Variants in WWP2 observed in about 807,000 individuals in gnomAD.
WWP2 encodes NEDD4-like E3 ubiquitin-protein ligase WWP2.
In WWP2, 57 loss-of-function variants were observed where a neutral mutation model predicts 121.0. The observed-to-expected ratio is 0.47, with a 90% CI of 0.38 to 0.59. The LOEUF (loss-of-function observed/expected upper bound fraction) is 0.59. WWP2 is among the 20% of genes least tolerant of loss of function. WWP2 has a pLI of 0.00. For synonymous variants in WWP2, 449 were observed against 441.3 expected, an observed-to-expected ratio of 1.02 and a Z score of -0.22; for missense variants, 962 against 1,158.9, an observed-to-expected ratio of 0.83 and a Z score of 2.47.
chr16:69,813,797 A>T (rs1007139508), intron 4 of WWP2, among the ~76,000 whole-genome samples: 4 of 152,250 alleles, frequency 2.6e-5, no homozygotes, highest in African/African-American at 9.6e-5. Flanking sequence ...TGCTAAAATG[A>T]TCTCTGGCTT....
chr16:69,808,497 G>C (rs527422942), intron 4 of WWP2, among the ~76,000 whole-genome samples: 1 of 152,234 alleles, frequency 6.6e-6, no homozygotes, highest in African/African-American at 2.4e-5. Flanking sequence ...CACCTCCCAG[G>C]TTCAAGCAGT....
chr16:69,795,086 G>C (rs2056000789), intron 2 of WWP2, among the ~76,000 whole-genome samples: 1 of 152,022 alleles, frequency 6.6e-6, no homozygotes, highest in South Asian at 2.1e-4. Flanking sequence ...AAATTAAAAA[G>C]TTAGCCAGGC....
At chr16:69,915,188 G>A (rs916593462) in intron 9 of WWP2, among the ~76,000 whole-genome samples, 13 of 152,316 alleles carry the variant, frequency 8.5e-5, no homozygotes, top group Admixed American at 1.3e-4. Flanking sequence ...CACAGAAGAC[G>A]ACAAGGAAGT....
intron 23 of WWP2, 81 bp downstream of exon 23, chr16:69,939,494 T>C (rs2058847584): frequency 2.7e-6 from 4 of 1,469,002 alleles, no homozygotes; most frequent in African/African-American, 1.4e-5. Context: ...GTGTAGCAGC[T>C]TCATAGCCTC....
intron 6 of WWP2, among the ~76,000 whole-genome samples, chr16:69,853,629 C>G (rs2057258138): frequency 6.6e-6 from 1 of 152,142 alleles, no homozygotes; most frequent in Non-Finnish European, 1.5e-5. Flanking sequence ...TGAGACCAGA[C>G]TCAGGGACTG....
At chr16:69,908,923 G>T in intron 9 of WWP2, 73 bp downstream of exon 9, 7 of 1,608,584 alleles carry the variant, frequency 4.4e-6, no homozygotes, top group Non-Finnish European at 5.9e-6. Flanking sequence ...TCTTGAAACG[G>T]TCCCTTTCTG....
intron 1 of WWP2, among the ~76,000 whole-genome samples, chr16:69,769,067 C>T (rs920940134): frequency 2.0e-5 from 3 of 152,098 alleles, no homozygotes; most frequent in Admixed American, 6.6e-5. Flanking sequence ...GCCTGTAATC[C>T]CAGCACTTTG....
chr16:69,796,839 C>T (rs2056057579), intron 2 of WWP2, among the ~76,000 whole-genome samples: 1 of 152,222 alleles, frequency 6.6e-6, no homozygotes, highest in Admixed American at 6.5e-5. Context: ...TATCTGTTGT[C>T]TTCCTCCCTT....
intron 8 of WWP2, among the ~76,000 whole-genome samples, chr16:69,896,048 A>T (rs920906731): frequency 9.2e-5 from 14 of 152,328 alleles, no homozygotes; most frequent in African/African-American, 3.1e-4. Flanking sequence ...CTGTTGTCGG[A>T]GGCTGGGCCA....
intron 8 of WWP2, among the ~76,000 whole-genome samples, chr16:69,889,919 AT>A (rs997669168): frequency 2.0e-4 from 31 of 152,124 alleles, no homozygotes; most frequent in African/African-American, 7.2e-4. Context: ...TCACTCCCTT[AT>A]CCCATCTCTT....
At chr16:69,860,547 A>C (rs1198292564) in intron 6 of WWP2, among the ~76,000 whole-genome samples, 1 of 152,196 alleles carries the variant, frequency 6.6e-6, no homozygotes, top group Admixed American at 6.5e-5. Context: ...ACCTGGGTGG[A>C]AAGTCCAGGA....
Position 69,928,881 on chromosome 16 carries a change from G to A in WWP2, c.1235-567G>A, listed in dbSNP as rs566138919. Among the ~76,000 whole-genome samples, 4 of 152,322 alleles carry A rather than the reference G, an allele frequency of 2.6e-5. No individual in the cohort carries two copies. The South Asian group carries it at 8.3e-4, about 32-fold the overall frequency. The stretch of plus-strand genomic sequence containing the variant: ...TATGAGAGTTTTAGAACAAGACTTA[G>A]CCTGTAAGTGGGAGAAGAGGGAGAA... On this transcript the variant is annotated intron_variant, in intron 11 of 23. Transcript: ENST00000359154.
At chr16:69,786,007 AT>A (rs2055781000) in intron 1 of WWP2, 1 of 134,150 alleles carries the variant, frequency 7.5e-6, no homozygotes, top group Non-Finnish European at 1.6e-5. Flanking sequence ...TTTAGCAAGG[AT>A]TACTGTCAGA....
At chr16:69,903,084 C>T (rs183354097) in intron 8 of WWP2, among the ~76,000 whole-genome samples, 1 of 152,308 alleles carries the variant, frequency 6.6e-6, no homozygotes, top group East Asian at 1.9e-4. Flanking sequence ...ATTCTTCTCG[C>T]TAAGCCAGTT....
Position 69,939,873 on chromosome 16 carries a change from G to A in WWP2, c.2546G>A (p.Ser849Asn), listed in dbSNP as rs574704181. The A allele has an allele frequency of 1.2e-6, 2 of 1,613,976 alleles. No individual in the cohort carries two copies. The highest frequency in any genetic ancestry group is 1.7e-5 in the Admixed American group (1 of 59,986). The stretch of plus-strand genomic sequence containing the variant: ...CGTCTGGATCTTCCACCCTACAAGA[G>A]CTACGAACAGCTGAGAGAGAAGCTG... ...FNRLDLPPYK[S>N]YEQLREKLLY... Residue 849 changes from serine to asparagine, a missense_variant, in exon 24 of 24, where the codon AGC becomes AAC. Ser to Asn is a conservative substitution (Grantham distance 46). Around this residue, in one of 3 missense-constraint regions of WWP2, gnomAD observed 606 missense variants for 772.6 expected, o/e 0.78. Coordinates refer to ENST00000359154, the MANE Select transcript of WWP2 (RefSeq NM_001270454.2).
intron 6 of WWP2, among the ~76,000 whole-genome samples, chr16:69,850,749 C>A (rs547566057): frequency 1.3e-5 from 2 of 152,126 alleles, no homozygotes; most frequent in Non-Finnish European, 2.9e-5. Flanking sequence ...GGGATGATAG[C>A]GTAGCAAACT....
intron 19 of WWP2, 172 bp downstream of exon 19, chr16:69,936,624 C>G: frequency 1.1e-6 from 1 of 935,812 alleles, no homozygotes; most frequent in South Asian, 1.7e-5. Context: ...CTGGGGGAAC[C>G]AAAGCCGAGG....
chr16:69,829,957 AT>A (rs11462005), intron 4 of WWP2, among the ~76,000 whole-genome samples: 19 of 144,910 alleles, frequency 1.3e-4, no homozygotes, highest in East Asian at 2.0e-4. Flanking sequence ...CGCCCAGCTA[AT>A]TTTTTTTTTT....
At chr16:69,917,443 G>T (rs1290025327) in intron 9 of WWP2, 2 of 379,322 alleles carry the variant, frequency 5.3e-6, no homozygotes, top group Non-Finnish European at 4.8e-6. Flanking sequence ...TGCACTTCTG[G>T]TCCAGGCAAC....
Sources: gnomAD v4.1 joint callset for allele counts (sites outside exome capture counted in the v4.1 genomes callset) on GRCh38, gnomAD v4.1.1 for gene constraint, gnomAD v4.1.1 regional missense constraint, MANE v1.5 for transcripts, NCBI Gene and HGNC (gene_info 2026-07-23, HGNC 2026-07-21) for gene names.